The following CSMD1 variants were observed in gnomAD, a reference collection of about 807,000 sequenced individuals.
CSMD1 encodes the protein CUB and Sushi multiple domains 1.
In CSMD1, 213 loss-of-function variants were observed where a neutral mutation model predicts 417.5. The observed-to-expected ratio is 0.51, with a 90% CI of 0.46 to 0.57. CSMD1 has a LOEUF of 0.57. Ranked by LOEUF, CSMD1 falls within the 20% of genes least tolerant of loss-of-function variation. The probability of loss-of-function intolerance (pLI) is 0.00; values close to 1 mark genes in which losing one functional copy is unlikely to be tolerated. For missense variants in CSMD1, 6,923 were observed against 4,529.7 expected (o/e 1.53, Z -15.17); for synonymous variants, 2,862 against 1,736.8 (o/e 1.65, Z -16.11).
intron 25 of CSMD1, among the ~76,000 whole-genome samples, chr8:3,304,431 T>C (rs1449419696): frequency 6.6e-6 from 1 of 152,152 alleles, no homozygotes; most frequent in Admixed American, 6.5e-5. Flanking sequence ...CTAATTATGG[T>C]TTTGCCAGAT....
At position 3,179,017 on chromosome 8, in the gene CSMD1, G is replaced by T. The variant is rs1457709077; in HGVS notation, c.5725+2093C>A. ...GGCTGGAGTGCAGTGGCGCGATCTT[G>T]GCTCACTGCAAGCTCTGCCTCCCGG... On this transcript the variant is annotated intron_variant, in intron 37 of 69. Transcript: ENST00000635120. Among the ~76,000 whole-genome samples the T allele has an allele frequency of 5.4e-5, 8 of 147,524 alleles. No homozygotes were observed. In the East Asian group the frequency reaches 1.6e-3, roughly 30 times the overall value.
chr8:4,096,351 T>A (rs1801010794), intron 3 of CSMD1, among the ~76,000 whole-genome samples: 1 of 152,126 alleles, frequency 6.6e-6, no homozygotes, highest in Non-Finnish European at 1.5e-5. Context: ...AGCTTGGATT[T>A]CCATATGGGG....
intron 3 of CSMD1, among the ~76,000 whole-genome samples, chr8:4,188,000 G>C (rs530140313): frequency 2.3e-4 from 35 of 151,992 alleles, no homozygotes; most frequent in African/African-American, 7.5e-4. Context: ...CTCCTAAAAA[G>C]CCAATACCTT....
intron 5 of CSMD1, among the ~76,000 whole-genome samples, chr8:3,986,806 A>C (rs1814358288): frequency 6.6e-6 from 1 of 151,998 alleles, no homozygotes; most frequent in African/African-American, 2.4e-5. Flanking sequence ...CCCAGGCTGG[A>C]ATGCAGTGAT....
At chr8:3,448,175 G>C (rs1042262311) in intron 12 of CSMD1, among the ~76,000 whole-genome samples, 1 of 150,522 alleles carries the variant, frequency 6.6e-6, no homozygotes, top group African/African-American at 2.4e-5. Flanking sequence ...GGAGTAGATA[G>C]TGAAGACAGA....
intron 44 of CSMD1, 77 bp from the exon 45 acceptor site, chr8:3,107,875 T>A: frequency 1.1e-6 from 1 of 930,132 alleles, no homozygotes; most frequent in Non-Finnish European, 1.7e-6. Context: ...AAAACATTCA[T>A]CTTGCAGTTG....
At chr8:3,431,165 C>G (rs940249420) in intron 12 of CSMD1, among the ~76,000 whole-genome samples, 9 of 152,266 alleles carry the variant, frequency 5.9e-5, no homozygotes, top group African/African-American at 2.2e-4. Flanking sequence ...TATGGACTCT[C>G]TATGGAAGAG....
At chr8:4,180,353 C>CA (rs1298353381) in intron 3 of CSMD1, among the ~76,000 whole-genome samples, 2 of 146,920 alleles carry the variant, frequency 1.4e-5, no homozygotes, top group African/African-American at 5.1e-5. Flanking sequence ...TGCATGTTCT[C>CA]ACTCATACAT....
At chr8:2,992,647 G>A (rs534058918) in intron 54 of CSMD1, among the ~76,000 whole-genome samples, 8 of 151,932 alleles carry the variant, frequency 5.3e-5, no homozygotes, top group South Asian at 2.1e-4. Flanking sequence ...GGCTGGTCTC[G>A]AACTCCTGAC....
rs12676259 is a variant in CSMD1, at chr8:4,462,779, A to T, written c.303-42714T>A. Among the ~76,000 whole-genome samples, 16 of 150,660 alleles carry T rather than the reference A, an allele frequency of 1.1e-4. No homozygotes were observed. In the East Asian group the frequency reaches 2.1e-3, roughly 20 times the overall value. ...ATGGTGCTCAGACAACTGAGTATCC[A>T]CAAGAGGGTACCCCTTCCTTACACT... On this transcript the variant is annotated intron_variant, in intron 2 of 69. Coordinates refer to ENST00000635120, the MANE Select transcript of CSMD1 (RefSeq NM_033225.6).
intron 51 of CSMD1, among the ~76,000 whole-genome samples, chr8:3,028,348 C>G (rs1275613866): frequency 6.6e-6 from 1 of 152,154 alleles, no homozygotes; most frequent in Non-Finnish European, 1.5e-5. Flanking sequence ...TCCTAAGCTG[C>G]AAAGGTGTGA....
At chr8:4,584,274 G>A (rs571262134) in intron 2 of CSMD1, among the ~76,000 whole-genome samples, 32 of 152,032 alleles carry the variant, frequency 2.1e-4, no homozygotes, top group African/African-American at 6.3e-4. Context: ...TTCACCTATC[G>A]CCAAGCAGTG....
At chr8:3,501,948 A>G (rs76749759) in intron 10 of CSMD1, among the ~76,000 whole-genome samples, 1 of 152,230 alleles carries the variant, frequency 6.6e-6, no homozygotes, top group Admixed American at 6.5e-5. Context: ...CTACAAAAGA[A>G]CACATACAAC....
intron 3 of CSMD1, among the ~76,000 whole-genome samples, chr8:4,178,080 T>G (rs1351432194): frequency 6.6e-6 from 1 of 152,194 alleles, no homozygotes; most frequent in Non-Finnish European, 1.5e-5. Flanking sequence ...ACTCATTTTA[T>G]GAGGCCAGCA....
At chr8:4,924,166 G>C (rs900552240) in intron 1 of CSMD1, among the ~76,000 whole-genome samples, 2 of 152,120 alleles carry the variant, frequency 1.3e-5, no homozygotes, top group Non-Finnish European at 2.9e-5. Context: ...GTTGAATACA[G>C]ATTTGACAAT....
At chr8:4,374,575 G>A (rs1444228815) in intron 3 of CSMD1, among the ~76,000 whole-genome samples, 2 of 152,118 alleles carry the variant, frequency 1.3e-5, no homozygotes, top group South Asian at 4.1e-4. Context: ...CCAGGAATGA[G>A]CCATGGGAAG....
chr8:4,122,742 G>A (rs1429589033), intron 3 of CSMD1, among the ~76,000 whole-genome samples: 1 of 152,154 alleles, frequency 6.6e-6, no homozygotes, highest in Admixed American at 6.6e-5. Context: ...AACACTTTCT[G>A]TGAAAGGGGA....
At chr8:3,129,807 G>C (rs959497686) in intron 41 of CSMD1, among the ~76,000 whole-genome samples, 1 of 152,026 alleles carries the variant, frequency 6.6e-6, no homozygotes, top group Non-Finnish European at 1.5e-5. Flanking sequence ...TGCCCAAGAT[G>C]GTGAAACCCT....
chr8:4,220,775 C>T (rs1800983148), intron 3 of CSMD1, among the ~76,000 whole-genome samples: 1 of 152,166 alleles, frequency 6.6e-6, no homozygotes, highest in Admixed American at 6.6e-5. Flanking sequence ...ATGGGGCCAC[C>T]CAAGAAATCC....
Sources: gnomAD v4.1 joint callset for allele counts (sites outside exome capture counted in the v4.1 genomes callset) on GRCh38, gnomAD v4.1.1 for gene constraint, MANE v1.5 for transcripts, NCBI Gene and HGNC (gene_info 2026-07-23, HGNC 2026-07-21) for gene names.